ALX4: variants seen among roughly 807,000 people sequenced by gnomAD.
ALX4 encodes the protein ALX homeobox 4, also known as homeobox protein aristaless-like 4.
In ALX4, 22 loss-of-function variants were observed where a neutral mutation model predicts 40.6. That is an observed-to-expected ratio of 0.54 (90% CI 0.39 to 0.77). The LOEUF (loss-of-function observed/expected upper bound fraction) is 0.77, where lower values mean the gene tolerates loss of function less well. Ranked by LOEUF, ALX4 falls within the 30% of genes least tolerant of loss-of-function variation. The pLI is 0.00. For synonymous variants in ALX4, 266 were observed against 240.5 expected (o/e 1.11, Z -0.98); for missense variants, 556 against 564.8 (o/e 0.98, Z 0.16).
intron 1 of ALX4, among the ~76,000 whole-genome samples, chr11:44,302,413 T>C (rs1956439923): frequency 6.6e-6 from 1 of 152,138 alleles, no homozygotes; most frequent in South Asian, 2.1e-4. Flanking sequence ...CTTAACCATG[T>C]GGGGGCAACA....
chr11:44,300,986 A>T (rs1451171315), intron 1 of ALX4, among the ~76,000 whole-genome samples: 1 of 152,236 alleles, frequency 6.6e-6, no homozygotes, highest in African/African-American at 2.4e-5. Flanking sequence ...AGCCTGAGTC[A>T]GGGCTTTCCC....
chr11:44,294,745 G>T (rs764255231), intron 1 of ALX4, among the ~76,000 whole-genome samples: 1 of 152,184 alleles, frequency 6.6e-6, no homozygotes, highest in Non-Finnish European at 1.5e-5. Context: ...TAGAGTCAAG[G>T]TTCCAGCAAA....
chr11:44,278,884 A>C (rs1025763618), intron 1 of ALX4, among the ~76,000 whole-genome samples: 4 of 152,062 alleles, frequency 2.6e-5, no homozygotes, highest in African/African-American at 9.7e-5. Flanking sequence ...AATTCAGGGG[A>C]GCGCTGCTCC....
chr11:44,306,538 C>T (rs752359017), intron 1 of ALX4, among the ~76,000 whole-genome samples: 2 of 152,248 alleles, frequency 1.3e-5, no homozygotes, highest in Non-Finnish European at 2.9e-5. Flanking sequence ...AGCTTTCGCC[C>T]CGACCTCCAG....
At chr11:44,300,242 A>T (rs1956427464) in intron 1 of ALX4, among the ~76,000 whole-genome samples, 2 of 152,224 alleles carry the variant, frequency 1.3e-5, no homozygotes, top group African/African-American at 4.8e-5. Flanking sequence ...ACAGAACCCC[A>T]AGGCCTCTGA....
chr11:44,294,775 C>CT (rs1277922942), intron 1 of ALX4, among the ~76,000 whole-genome samples: 1 of 152,198 alleles, frequency 6.6e-6, no homozygotes, highest in Non-Finnish European at 1.5e-5. Flanking sequence ...ATCATAACAG[C>CT]TAACATTGAC....
Position 44,265,150 on chromosome 11 carries a change from C to A in ALX4, c.940G>T (p.Ala314Ser), listed in dbSNP as rs888252724. 3.1e-6 allele frequency: 5 copies of A among 1,606,088 alleles called. No individual in the cohort carries two copies. In the African/African-American group the frequency reaches 5.3e-5, roughly 17 times the overall value. The change falls in exon 4 of 4, where the codon GCT becomes TCT. Residue 314 changes from alanine (A) to serine (S), a missense_variant. Coordinates refer to ENST00000652299, the MANE Select transcript of ALX4 (RefSeq NM_021926.4). Reference protein sequence around the residue: ...QNPSWLGNNGAASPVPACVVP... With the variant: ...QNPSWLGNNGSASPVPACVVP... ...ACGCAGGCTGGCACTGGTGAGGCAGCCCCGTTGTTGCCGAGCCAGGACGGG... is the reference window on the plus strand; with the variant it reads ...ACGCAGGCTGGCACTGGTGAGGCAGACCCGTTGTTGCCGAGCCAGGACGGG...
At position 44,264,768 on chromosome 11, in the gene ALX4, G is replaced by C; in HGVS notation, c.*86C>G. The C allele has an allele frequency of 1.3e-6, 2 of 1,494,904 alleles. No individual in the cohort carries two copies. Among genetic ancestry groups the C allele is most frequent in the Non-Finnish European group, 1.8e-6 (2 of 1,098,432 alleles). 92.6% of individuals were successfully genotyped at this position (1,494,904 alleles called of 1,614,324 possible). A position where few individuals can be genotyped will look rare whatever the true frequency, so the allele number is the denominator to read the frequency against. On this transcript the variant is annotated 3_prime_UTR_variant, in exon 4 of 4. Transcript: ENST00000652299. Reference sequence around the variant, plus strand: ...CCTGGCCCAGGCCAGGTTCCTAAGAGGAAAGTCGAGTGGGAGGCTGGGGGC... The same window carrying C: ...CCTGGCCCAGGCCAGGTTCCTAAGACGAAAGTCGAGTGGGAGGCTGGGGGC...
intron 1 of ALX4, 45 bp downstream of exon 1, chr11:44,309,552 G>C: frequency 6.5e-7 from 1 of 1,539,784 alleles, no homozygotes; most frequent in South Asian, 1.2e-5. Flanking sequence ...CGGAAGCCAA[G>C]CACCCCGTGG....
intron 1 of ALX4, 32 bp downstream of exon 1, chr11:44,309,565 C>A: frequency 6.4e-7 from 1 of 1,554,010 alleles, no homozygotes; most frequent in Admixed American, 1.8e-5. Context: ...CCCCGTGGTC[C>A]CCAGCACCAG....
intron 2 of ALX4, among the ~76,000 whole-genome samples, chr11:44,270,019 G>T (rs1240238067): frequency 6.6e-6 from 1 of 152,104 alleles, no homozygotes; most frequent in African/African-American, 2.4e-5. Flanking sequence ...AGGTCCCCAT[G>T]GTGGGACTGT....
chr11:44,275,750 A>T (rs1956274634), intron 1 of ALX4, 92 bp from the exon 2 acceptor site: 11 of 1,261,874 alleles, frequency 8.7e-6, no homozygotes, highest in Non-Finnish European at 1.2e-5. Context: ...TCGGGTAGCC[A>T]CCCCCTGCCT....
chr11:44,300,746 C>T (rs540292325), intron 1 of ALX4, among the ~76,000 whole-genome samples: 60 of 152,332 alleles, frequency 3.9e-4, no homozygotes, highest in African/African-American at 1.4e-3. Context: ...GGCTGTTATA[C>T]ATGACTATTT....
chr11:44,287,918 C>T (rs1345713072), intron 1 of ALX4, among the ~76,000 whole-genome samples: 1 of 152,232 alleles, frequency 6.6e-6, no homozygotes. Flanking sequence ...AGGGCCTACA[C>T]ACACTGAAGT....
At chr11:44,276,443 G>C (rs548348491) in intron 1 of ALX4, among the ~76,000 whole-genome samples, 3 of 152,344 alleles carry the variant, frequency 2.0e-5, no homozygotes, top group South Asian at 4.1e-4. Flanking sequence ...ACAGCTCCCA[G>C]CCACTGCGTC....
At chr11:44,275,704 C>T (rs143599866) in intron 1 of ALX4, 46 bp from the exon 2 acceptor site, 2 of 1,579,262 alleles carry the variant, frequency 1.3e-6, no homozygotes, top group Admixed American at 1.7e-5. Context: ...TTGAACCAAA[C>T]AAGAGAAGGG....
chr11:44,277,500 CACA>C (rs1345862697), intron 1 of ALX4, among the ~76,000 whole-genome samples: 2 of 152,208 alleles, frequency 1.3e-5, no homozygotes, highest in Non-Finnish European at 2.9e-5. Context: ...CTTTGATCAT[CACA>C]ACAAGCACGT....
chr11:44,301,720 G>C (rs1394072721), intron 1 of ALX4, among the ~76,000 whole-genome samples: 1 of 152,246 alleles, frequency 6.6e-6, no homozygotes, highest in African/African-American at 2.4e-5. Flanking sequence ...ACCCATTGTA[G>C]TGGAAGGAGG....
intron 1 of ALX4, among the ~76,000 whole-genome samples, chr11:44,302,850 G>C (rs1158830521): frequency 6.6e-6 from 1 of 152,186 alleles, no homozygotes; most frequent in Non-Finnish European, 1.5e-5. Context: ...ATGCGTGTGG[G>C]GGTGAGGAGG....
Sources: gnomAD v4.1 joint callset for allele counts (sites outside exome capture counted in the v4.1 genomes callset) on GRCh38, gnomAD v4.1.1 for gene constraint, MANE v1.5 for transcripts, NCBI Gene and HGNC (gene_info 2026-07-23, HGNC 2026-07-21) for gene names.